Variants in FNIP1 observed in about 807,000 individuals in gnomAD.
FNIP1 encodes folliculin-interacting protein 1.
FNIP1 carries 40 observed loss-of-function variants against 124.5 expected under a neutral mutation model. The observed-to-expected ratio is 0.32, with a 90% CI of 0.25 to 0.42. FNIP1 has a LOEUF of 0.42. Ranked by LOEUF, FNIP1 falls within the 10% of genes least tolerant of loss-of-function variation. FNIP1 has a pLI of 1.00. For synonymous variants in FNIP1, 472 were observed against 470.6 expected (o/e 1.00, Z -0.04); for missense variants, 1,176 against 1,403.7 (o/e 0.84, Z 2.59).
At chr5:131,660,999 C>T (rs531137342) in intron 15 of FNIP1, among the ~76,000 whole-genome samples, 17 of 152,280 alleles carry the variant, frequency 1.1e-4, no homozygotes, top group African/African-American at 3.6e-4. Context: ...CCAATGCCTC[C>T]TTCCTTCTCC....
chr5:131,728,329 T>G (rs968626977), intron 3 of FNIP1, among the ~76,000 whole-genome samples: 1 of 152,204 alleles, frequency 6.6e-6, no homozygotes, highest in African/African-American at 2.4e-5. Flanking sequence ...AAACACAGGT[T>G]TGGTATTTTC....
chr5:131,668,384 G>A (rs1767660641), intron 15 of FNIP1, among the ~76,000 whole-genome samples: 1 of 152,148 alleles, frequency 6.6e-6, no homozygotes, highest in Non-Finnish European at 1.5e-5. Context: ...AAATACAACA[G>A]ATCGAAATTT....
intron 3 of FNIP1, among the ~76,000 whole-genome samples, chr5:131,727,438 T>G (rs1405628567): frequency 2.0e-5 from 3 of 152,194 alleles, no homozygotes; most frequent in Non-Finnish European, 4.4e-5. Flanking sequence ...CTTTGTCTTT[T>G]TGTTTTTCTT....
intron 9 of FNIP1, 26 bp from the exon 10 acceptor site, chr5:131,704,292 AT>A: frequency 6.7e-7 from 1 of 1,502,472 alleles, no homozygotes; most frequent in South Asian, 1.3e-5. Flanking sequence ...TTTTTTATTA[AT>A]TTACAAAAGT....
intron 1 of FNIP1, among the ~76,000 whole-genome samples, chr5:131,745,811 T>C (rs981644979): frequency 2.0e-5 from 3 of 152,186 alleles, no homozygotes; most frequent in Middle Eastern, 3.2e-3. Flanking sequence ...TTTCCACTTA[T>C]ATAGAGGTTA....
chr5:131,719,001 C>A lies in FNIP1; in HGVS notation c.515G>T (p.Cys172Phe), dbSNP rs74741116. ...AAGCACTTACGTATTGAGACTCCCA[C>A]AAATACTGCTGCCAGTCCGAGCAGT... ...VFTARTGSSI[C>F]GSLNTLQDSL... is the part of the protein sequence containing the mutation. The change falls in exon 5 of 18, where the codon TGT becomes TTT. Residue 172 changes from cysteine (C) to phenylalanine (F), a missense_variant. By Grantham distance (205) the Cys-to-Phe change is radical. Coordinates refer to ENST00000510461, the MANE Select transcript of FNIP1 (RefSeq NM_133372.3). The A allele has an allele frequency of 6.2e-7, 1 of 1,613,338 alleles. No individual in the cohort carries two copies. The highest frequency in any genetic ancestry group is 8.5e-7 in the Non-Finnish European group (1 of 1,179,416).
At chr5:131,674,536 G>A (rs925968441) in intron 13 of FNIP1, among the ~76,000 whole-genome samples, 3 of 151,690 alleles carry the variant, frequency 2.0e-5, no homozygotes, top group African/African-American at 4.8e-5. Context: ...GCAACATGGC[G>A]AAACCCTTGT....
intron 15 of FNIP1, among the ~76,000 whole-genome samples, chr5:131,658,248 T>G (rs937336769): frequency 6.6e-6 from 1 of 152,142 alleles, no homozygotes; most frequent in Non-Finnish European, 1.5e-5. Context: ...TATTCAAGAC[T>G]GATTTTTATT....
At chr5:131,722,836 C>G (rs1035116072) in intron 3 of FNIP1, among the ~76,000 whole-genome samples, 40 of 152,162 alleles carry the variant, frequency 2.6e-4, no homozygotes, top group African/African-American at 8.2e-4. Flanking sequence ...CAGGTGCGTA[C>G]CACCATACCC....
intron 15 of FNIP1, among the ~76,000 whole-genome samples, chr5:131,665,003 A>G (rs31586): frequency 0.58 from 87,615 of 151,236 alleles, 29,673 homozygotes; most frequent in Non-Finnish European, 0.76. Context: ...TTACACAGAT[A>G]TACACAAGCA....
At chr5:131,742,768 T>A (rs940492489) in intron 2 of FNIP1, among the ~76,000 whole-genome samples, 6 of 152,208 alleles carry the variant, frequency 3.9e-5, no homozygotes, top group Non-Finnish European at 7.3e-5. Context: ...TTTAAAAAAA[T>A]TTACAGCACA....
At chr5:131,689,986 C>T (rs537278783) in intron 11 of FNIP1, among the ~76,000 whole-genome samples, 3 of 152,038 alleles carry the variant, frequency 2.0e-5, no homozygotes, top group Admixed American at 6.6e-5. Flanking sequence ...TTTGGGAGGC[C>T]GAGGAGGGTG....
intron 14 of FNIP1, among the ~76,000 whole-genome samples, chr5:131,670,917 T>G (rs960206948): frequency 6.6e-6 from 1 of 152,172 alleles, no homozygotes; most frequent in Non-Finnish European, 1.5e-5. Context: ...GATGAGCAAC[T>G]GAGTAATGAA....
At chr5:131,779,895 A>AT (rs1399659659) in intron 1 of FNIP1, among the ~76,000 whole-genome samples, 2 of 151,628 alleles carry the variant, frequency 1.3e-5, no homozygotes, top group Non-Finnish European at 2.9e-5. Flanking sequence ...TTTGTTAGAA[A>AT]TTTTTTTTAA....
intron 1 of FNIP1, among the ~76,000 whole-genome samples, chr5:131,765,518 C>T (rs1037436449): frequency 2.0e-5 from 3 of 152,134 alleles, no homozygotes; most frequent in Admixed American, 1.3e-4. Context: ...AGAAATCCAG[C>T]AATAAAAGGC....
chr5:131,742,335 A>G lies in FNIP1; in HGVS notation c.219+2229T>C, dbSNP rs149891226. Among the ~76,000 whole-genome samples the G allele has an allele frequency of 5.1e-3, 777 of 152,242 alleles. 4 individuals are homozygous for G. Among genetic ancestry groups the G allele is most frequent in the African/African-American group, 0.017 (713 of 41,534 alleles). On this transcript the variant is annotated intron_variant, in intron 2 of 17. Coordinates refer to ENST00000510461, the MANE Select transcript of FNIP1 (RefSeq NM_133372.3). ...AAAAATTACCCAGGTGTGGTGGTGCACACCTGTAATCCCAGCTACTCGCAA... is the reference window on the plus strand; with the variant it reads ...AAAAATTACCCAGGTGTGGTGGTGCGCACCTGTAATCCCAGCTACTCGCAA...
chr5:131,757,967 C>T (rs906594209), intron 1 of FNIP1, among the ~76,000 whole-genome samples: 1 of 152,164 alleles, frequency 6.6e-6, no homozygotes, highest in African/African-American at 2.4e-5. Flanking sequence ...GACATGTGTA[C>T]TTCTGCAGAG....
chr5:131,684,584 C>A (rs997767151), intron 11 of FNIP1, among the ~76,000 whole-genome samples: 3 of 152,034 alleles, frequency 2.0e-5, no homozygotes, highest in Non-Finnish European at 4.4e-5. Context: ...GCTGTAAATT[C>A]CAGGCAATCT....
chr5:131,741,145 G>A (rs1770499234), intron 2 of FNIP1, among the ~76,000 whole-genome samples: 1 of 152,056 alleles, frequency 6.6e-6, no homozygotes, highest in Non-Finnish European at 1.5e-5. Context: ...TTACGGATTT[G>A]CCCTGAATTC....
Sources: allele counts gnomAD v4.1 joint callset (sites outside exome capture counted in the v4.1 genomes callset), GRCh38; gene constraint gnomAD v4.1.1; transcripts MANE v1.5; gene names NCBI Gene and HGNC (gene_info 2026-07-23, HGNC 2026-07-21).